SPATA31C1: variants seen among roughly 807,000 people sequenced by gnomAD.
The protein encoded by SPATA31C1 is SPATA31 subfamily C member 1, also known as spermatogenesis-associated protein 31C1.
chr9:87,919,225 C>T (rs1828780722), intron 2 of SPATA31C1, 30 bp from the exon 2 acceptor site: 1 of 1,601,708 alleles, frequency 6.2e-7, no homozygotes, highest in Admixed American at 1.7e-5. Context: ...GAGAGCCGGT[C>T]CTAGCTCCTC....
chr9:87,920,144 G>T, intron 4 of SPATA31C1, 108 bp from the exon 4 acceptor site: 1 of 1,600,284 alleles, frequency 6.2e-7, no homozygotes, highest in South Asian at 1.1e-5. Flanking sequence ...AGGGTGTGGC[G>T]TGGTGGAGAG....
chr9:87,916,401 AAATTT>A (rs1828719943), intron 1 of SPATA31C1, among the ~76,000 whole-genome samples: 1 of 148,356 alleles, frequency 6.7e-6, no homozygotes, highest in South Asian at 2.2e-4. Flanking sequence ...GATGTTATCA[AAATTT>A]AAAACTTTTG....
intron 2 of SPATA31C1, chr9:87,919,039 G>C (rs1041278092): frequency 1.5e-6 from 1 of 681,582 alleles, no homozygotes; most frequent in Admixed American, 2.3e-5. Flanking sequence ...CAAAGTGCTT[G>C]GATTATAGGC....
intron 1 of SPATA31C1, among the ~76,000 whole-genome samples, chr9:87,916,046 G>T (rs1205826085): frequency 7.0e-6 from 1 of 143,252 alleles, no homozygotes; most frequent in South Asian, 2.4e-4. Flanking sequence ...CCTCTGAATA[G>T]AAATTTTATA....
rs1313767598 is a variant in SPATA31C1, at chr9:87,921,754, C to A, written n.2144C>A. On this transcript the variant is annotated non_coding_transcript_exon_variant, in exon 5 of 5. Transcript: ENST00000420021. Reference sequence around the variant, plus strand: ...GCTGTCAACCAGGCTTTTCCCGTATCCAACACCCACGTGAAAACCAGCAAT... The same window carrying A: ...GCTGTCAACCAGGCTTTTCCCGTATACAACACCCACGTGAAAACCAGCAAT... 3 of 1,612,046 alleles carry A rather than the reference C, an allele frequency of 1.9e-6. No individual in the cohort carries two copies. The South Asian group carries it at 3.3e-5, about 18-fold the overall frequency.
exon 5 of SPATA31C1, chr9:87,922,777 C>G: frequency 6.2e-7 from 1 of 1,606,242 alleles, no homozygotes; most frequent in Non-Finnish European, 8.5e-7. Context: ...CCAATGTTTC[C>G]CCCTACTCAC....
At chr9:87,920,852 C>A (rs1828839493) in exon 5 of SPATA31C1, 3 of 1,613,522 alleles carry the variant, frequency 1.9e-6, no homozygotes, top group Non-Finnish European at 2.5e-6. Context: ...ATCATCTTTC[C>A]CGCCAAAGGG....
At chr9:87,920,439 G>A in exon 5 of SPATA31C1, 1 of 1,613,912 alleles carries the variant, frequency 6.2e-7, no homozygotes, top group Non-Finnish European at 8.5e-7. Context: ...TCAGGATCTG[G>A]CCTCCACCCC....
chr9:87,919,049 C>G (rs922771680), intron 2 of SPATA31C1: 3 of 769,428 alleles, frequency 3.9e-6, no homozygotes, highest in Admixed American at 4.5e-5. Flanking sequence ...GGATTATAGG[C>G]GTGAGCCACC....
exon 5 of SPATA31C1, chr9:87,922,076 G>T (rs1260854552): frequency 1.2e-6 from 2 of 1,613,886 alleles, no homozygotes; most frequent in Non-Finnish European, 1.7e-6. Flanking sequence ...GTCTGAGAAA[G>T]CAAGTGCTGA....
chr9:87,919,281 T>G (rs539204370), intron 2 of SPATA31C1: 1 of 1,588,334 alleles, frequency 6.3e-7, no homozygotes, highest in Non-Finnish European at 8.5e-7. Flanking sequence ...AGCGTCATCT[T>G]GTCTCCCAGT....
At chr9:87,920,800 C>G (rs1828836926) in exon 5 of SPATA31C1, 1 of 1,613,814 alleles carries the variant, frequency 6.2e-7, no homozygotes, top group Admixed American at 1.7e-5. Context: ...TCGCAGGAGA[C>G]TACCAAAACC....
chr9:87,920,550 C>A (rs1828824497), exon 5 of SPATA31C1: 1 of 1,613,682 alleles, frequency 6.2e-7, no homozygotes, highest in Non-Finnish European at 8.5e-7. Context: ...GCCACCTGCA[C>A]TTTTCCCTCA....
rs1468934383 is a variant in SPATA31C1, at chr9:87,915,562, A to G, written n.189+852A>G. ...GTGATCCACCTGCCTCGGCCTCCCA[A>G]AGTGCTGGGATTACAGGCATGAGCC... On this transcript the variant is annotated intron_variant and non_coding_transcript_variant, in intron 1 of 4. Transcript: ENST00000420021. Among the ~76,000 whole-genome samples, 5 of 144,744 alleles carry G rather than the reference A, an allele frequency of 3.5e-5. 2 individuals are homozygous for G. Among genetic ancestry groups the G allele is most frequent in the African/African-American group, 1.3e-4 (5 of 39,644 alleles). 95.0% of individuals were successfully genotyped at this position (144,744 alleles called of 152,430 possible). A position where few individuals can be genotyped will look rare whatever the true frequency, so the allele number is the denominator to read the frequency against.
chr9:87,920,584 T>C, exon 5 of SPATA31C1: 1 of 1,613,720 alleles, frequency 6.2e-7, no homozygotes, highest in East Asian at 2.2e-5. Flanking sequence ...CCTGATCCTC[T>C]GGCCTGCTCT....
At chr9:87,916,944 C>T (rs1828740703) in intron 1 of SPATA31C1, among the ~76,000 whole-genome samples, 1 of 64,634 alleles carries the variant, frequency 1.5e-5, no homozygotes. Context: ...TTGCAGTGAG[C>T]CAAGAGCGTG....
intron 2 of SPATA31C1, 140 bp from the exon 2 acceptor site, chr9:87,919,115 A>G: frequency 7.6e-7 from 1 of 1,314,732 alleles, no homozygotes; most frequent in Non-Finnish European, 1.1e-6. Context: ...ATCCATTTAA[A>G]CATGAGTGGG....
At chr9:87,916,806 G>A (rs1213909404) in intron 1 of SPATA31C1, among the ~76,000 whole-genome samples, 2 of 84,720 alleles carry the variant, frequency 2.4e-5, no homozygotes, top group Non-Finnish European at 7.8e-5. Context: ...GACCATCCTG[G>A]CTAACACGGT....
chr9:87,919,616 G>C (rs1261158347), intron 3 of SPATA31C1, among the ~76,000 whole-genome samples: 2 of 79,548 alleles, frequency 2.5e-5, no homozygotes, highest in Non-Finnish European at 5.1e-5. Flanking sequence ...CCCGCTCCCT[G>C]GGAACAGCTG....
Sources: allele counts gnomAD v4.1 joint callset (sites outside exome capture counted in the v4.1 genomes callset), GRCh38; gene constraint gnomAD v4.1.1; transcripts MANE v1.5; gene names NCBI Gene and HGNC (gene_info 2026-07-23, HGNC 2026-07-21).